The following ARHGAP15 variants were observed in gnomAD, a reference collection of about 807,000 sequenced individuals.
ARHGAP15 encodes rho GTPase-activating protein 15.
Under a neutral mutation model 63.7 loss-of-function variants are expected in ARHGAP15, and 51 were observed. The observed-to-expected ratio is 0.80, with a 90% CI of 0.64 to 1.01. The LOEUF is 1.01. Ranked by LOEUF, ARHGAP15 falls within the 50% of genes least tolerant of loss-of-function variation. The probability of loss-of-function intolerance (pLI) is 0.00; values close to 1 mark genes in which losing one functional copy is unlikely to be tolerated. For synonymous variants in ARHGAP15, 191 were observed against 193.8 expected (o/e 0.99, Z 0.12); for missense variants, 560 against 564.6 (o/e 0.99, Z 0.08).
intron 6 of ARHGAP15, among the ~76,000 whole-genome samples, chr2:143,332,479 A>G (rs1345746992): frequency 1.3e-5 from 2 of 152,182 alleles, no homozygotes; most frequent in African/African-American, 2.4e-5. Flanking sequence ...AATGAAGAGT[A>G]TATGAGGGAA....
rs779302683 is a variant in ARHGAP15, at chr2:143,599,984, T to C, written c.1004-24149T>C. Among the ~76,000 whole-genome samples the C allele has an allele frequency of 2.0e-5, 3 of 152,290 alleles. No homozygotes were observed. The South Asian group carries it at 6.2e-4, about 32-fold the overall frequency. Reference sequence around the variant, plus strand: ...AACCATAAAAGTAATTTCTTTCCTATCCTCATCAACACTTCAGATAGTTAA... The same window carrying C: ...AACCATAAAAGTAATTTCTTTCCTACCCTCATCAACACTTCAGATAGTTAA... On this transcript the variant is annotated intron_variant, in intron 11 of 13. Transcript: ENST00000295095.
intron 10 of ARHGAP15, among the ~76,000 whole-genome samples, chr2:143,548,108 G>A (rs1173009768): frequency 6.6e-6 from 1 of 152,070 alleles, no homozygotes; most frequent in African/African-American, 2.4e-5. Context: ...ATAAGACGAG[G>A]TTTGTTAAGA....
intron 6 of ARHGAP15, among the ~76,000 whole-genome samples, chr2:143,396,257 T>C (rs193214368): frequency 1.3e-5 from 2 of 152,280 alleles, no homozygotes; most frequent in African/African-American, 4.8e-5. Context: ...TAAACATTTA[T>C]ATTATTGCTT....
chr2:143,479,787 A>G (rs1194299934), intron 8 of ARHGAP15, among the ~76,000 whole-genome samples: 1 of 152,076 alleles, frequency 6.6e-6, no homozygotes, highest in Non-Finnish European at 1.5e-5. Flanking sequence ...GTGTTTCTCT[A>G]CATACAAGAT....
intron 12 of ARHGAP15, among the ~76,000 whole-genome samples, chr2:143,647,621 T>C (rs952341138): frequency 6.6e-6 from 1 of 152,020 alleles, no homozygotes; most frequent in Non-Finnish European, 1.5e-5. Context: ...CAAGCAGTAA[T>C]TGTAAGAGGA....
chr2:143,407,168 A>C (rs1302292443), intron 6 of ARHGAP15, among the ~76,000 whole-genome samples: 1 of 151,860 alleles, frequency 6.6e-6, no homozygotes, highest in Non-Finnish European at 1.5e-5. Flanking sequence ...ACATTTCAGG[A>C]GTATACATTT....
intron 6 of ARHGAP15, among the ~76,000 whole-genome samples, chr2:143,263,756 A>C (rs2105025396): frequency 6.6e-6 from 1 of 152,064 alleles, no homozygotes; most frequent in East Asian, 1.9e-4. Context: ...GAGCAGGAAA[A>C]GTCACCTTCC....
chr2:143,470,963 ATG>A (rs70982871), intron 8 of ARHGAP15, among the ~76,000 whole-genome samples: 1 of 147,960 alleles, frequency 6.8e-6, no homozygotes, highest in Non-Finnish European at 1.5e-5. Context: ...TGTGTATCAT[ATG>A]TGTGTACATA....
intron 13 of ARHGAP15, among the ~76,000 whole-genome samples, chr2:143,737,551 T>C (rs377502984): frequency 2.0e-5 from 3 of 152,136 alleles, no homozygotes; most frequent in African/African-American, 7.2e-5. Flanking sequence ...AAGAAGAAAA[T>C]GATAGAAACA....
In ARHGAP15 at chr2:143,391,892, C is replaced by T. The variant is rs545072620; in HGVS notation, c.475-43709C>T. Among the ~76,000 whole-genome samples the T allele has an allele frequency of 3.9e-5, 6 of 152,278 alleles. 1 individual carries two copies. The highest frequency in any genetic ancestry group is 1.4e-4 in the African/African-American group (6 of 41,554). ...TTACTACAGATTTCAAGACATTTATCATGTTGTCATTGGAACCTGGGAAAG... is the reference window on the plus strand; with the variant it reads ...TTACTACAGATTTCAAGACATTTATTATGTTGTCATTGGAACCTGGGAAAG... On this transcript the variant is annotated intron_variant, in intron 6 of 13. Coordinates refer to ENST00000295095, the MANE Select transcript of ARHGAP15 (RefSeq NM_018460.4).
At chr2:143,262,302 G>A (rs897313993) in intron 6 of ARHGAP15, among the ~76,000 whole-genome samples, 3 of 151,994 alleles carry the variant, frequency 2.0e-5, no homozygotes, top group African/African-American at 7.3e-5. Flanking sequence ...TCAAAATGAT[G>A]GCTGGCCTCA....
At chr2:143,472,830 T>C (rs1691640890) in intron 8 of ARHGAP15, among the ~76,000 whole-genome samples, 1 of 152,182 alleles carries the variant, frequency 6.6e-6, no homozygotes, top group South Asian at 2.1e-4. Context: ...TTATCCTTAT[T>C]ATGCAGATGA....
intron 11 of ARHGAP15, among the ~76,000 whole-genome samples, chr2:143,603,634 A>C (rs1048440297): frequency 3.3e-5 from 5 of 152,226 alleles, no homozygotes; most frequent in Admixed American, 3.3e-4. Flanking sequence ...CCCAGTTGGC[A>C]ATGAATGATG....
At chr2:143,301,572 A>T (rs1682896352) in intron 6 of ARHGAP15, among the ~76,000 whole-genome samples, 1 of 151,914 alleles carries the variant, frequency 6.6e-6, no homozygotes, top group South Asian at 2.1e-4. Flanking sequence ...AGAGTTTATG[A>T]TGTAGGATAT....
intron 6 of ARHGAP15, among the ~76,000 whole-genome samples, chr2:143,335,002 T>C (rs548748840): frequency 3.3e-5 from 5 of 152,252 alleles, no homozygotes; most frequent in Non-Finnish European, 7.4e-5. Context: ...CCATAGTGAG[T>C]TTTTATAATG....
At chr2:143,263,049 T>G (rs961934565) in intron 6 of ARHGAP15, among the ~76,000 whole-genome samples, 12 of 152,142 alleles carry the variant, frequency 7.9e-5, no homozygotes, top group African/African-American at 2.9e-4. Context: ...ATTCAGTGAA[T>G]ATACTGCAAC....
intron 13 of ARHGAP15, among the ~76,000 whole-genome samples, chr2:143,716,455 T>C (rs1684816275): frequency 6.6e-6 from 1 of 152,210 alleles, no homozygotes; most frequent in East Asian, 1.9e-4. Flanking sequence ...ACTAAATAAC[T>C]TCTACCACTT....
At chr2:143,153,818 CTT>C (rs1558779242) in intron 1 of ARHGAP15, among the ~76,000 whole-genome samples, 998 of 83,510 alleles carry the variant, frequency 0.012, 17 homozygotes, top group African/African-American at 0.021. Flanking sequence ...TCTTCTTCTT[CTT>C]CTTCTTCTTC....
chr2:143,341,742 A>G (rs1459005560), intron 6 of ARHGAP15, among the ~76,000 whole-genome samples: 1 of 152,138 alleles, frequency 6.6e-6, no homozygotes, highest in East Asian at 1.9e-4. Context: ...AACCAAAGAC[A>G]TAGTACATAT....
Sources: allele counts gnomAD v4.1 joint callset (sites outside exome capture counted in the v4.1 genomes callset), GRCh38; gene constraint gnomAD v4.1.1; transcripts MANE v1.5; gene names NCBI Gene and HGNC (gene_info 2026-07-23, HGNC 2026-07-21).